The following TENM1 variants were observed in gnomAD, a reference collection of about 807,000 sequenced individuals.
TENM1 encodes teneurin transmembrane protein 1, also known as teneurin-1.
A neutral mutation model predicts 174.8 loss-of-function variants in TENM1; 35 were observed. The observed-to-expected ratio is 0.20, with a 90% confidence interval of 0.15 to 0.27. The LOEUF is 0.27. Among genes scored for constraint, TENM1 ranks in the 10% least tolerant of loss-of-function variants. TENM1 has a pLI of 1.00. For synonymous variants in TENM1, 781 were observed against 798.7 expected (o/e 0.98, Z 0.37); for missense variants, 1,633 against 2,130.1 (o/e 0.77, Z 4.59).
chrX:124,662,132 C>G (rs532008809), intron 6 of TENM1, among the ~76,000 whole-genome samples: 135 of 110,884 alleles, frequency 1.2e-3, no homozygotes, highest in African/African-American at 4.1e-3. Context: ...CGGTGTCTCC[C>G]TCTCTATTGG....
chrX:125,147,082 CGT>C, the TENM1 span, among the ~76,000 whole-genome samples: 8 of 108,282 alleles, frequency 7.4e-5, no homozygotes, highest in African/African-American at 2.3e-4. Context: ...TATACACACA[CGT>C]GTGTGTATAT....
At chrX:124,572,440 G>A (rs1297177251) in intron 11 of TENM1, among the ~76,000 whole-genome samples, 1 of 111,430 alleles carries the variant, frequency 9.0e-6, no homozygotes, top group African/African-American at 3.3e-5. Context: ...AGCTTACTGA[G>A]TATGGTAAAG....
the TENM1 span, among the ~76,000 whole-genome samples, chrX:125,018,643 T>C: frequency 8.9e-6 from 1 of 111,761 alleles, no homozygotes; most frequent in East Asian, 2.8e-4. Context: ...AATTAAATTA[T>C]GGACCTTAGA....
intron 18 of TENM1, among the ~76,000 whole-genome samples, chrX:124,507,457 G>A (rs924880682): frequency 4.5e-5 from 5 of 111,194 alleles, no homozygotes; most frequent in African/African-American, 1.3e-4. Context: ...CTTTTGCAGA[G>A]GATTCTATCC....
At chrX:125,022,334 A>C in the TENM1 span, among the ~76,000 whole-genome samples, 1 of 112,017 alleles carries the variant, frequency 8.9e-6, no homozygotes, top group Admixed American at 9.5e-5. Flanking sequence ...CTAGTGTCCC[A>C]ACACAAATGG....
At chrX:124,943,219 A>G (rs1182853869) in intron 1 of TENM1, among the ~76,000 whole-genome samples, 2 of 111,403 alleles carry the variant, frequency 1.8e-5, no homozygotes, top group African/African-American at 3.3e-5. Flanking sequence ...CAGTGATATG[A>G]TCTTTCTAGT....
At chrX:125,075,451 T>G in the TENM1 span, among the ~76,000 whole-genome samples, 16 of 111,612 alleles carry the variant, frequency 1.4e-4, 1 homozygote, top group Admixed American at 1.5e-3. Flanking sequence ...TTATGAACAT[T>G]TGGGCATAAG....
chrX:124,885,111 T>C (rs530564972), intron 3 of TENM1, among the ~76,000 whole-genome samples: 3 of 111,567 alleles, frequency 2.7e-5, no homozygotes, highest in South Asian at 3.8e-4. Context: ...CATTCTCATA[T>C]ATATGGTCTG....
At chrX:125,078,135 G>A in the TENM1 span, among the ~76,000 whole-genome samples, 1 of 111,314 alleles carries the variant, frequency 9.0e-6, no homozygotes, top group East Asian at 2.9e-4. Context: ...TCTGGAGGCA[G>A]GAGCAGCAGT....
chrX:124,723,894 C>T (rs767655762), intron 4 of TENM1, among the ~76,000 whole-genome samples: 70 of 111,292 alleles, frequency 6.3e-4, no homozygotes, highest in African/African-American at 2.2e-3. Flanking sequence ...CAACCATGCC[C>T]GGCCGAAGCT....
At chrX:124,810,254 T>C (rs778007420) in intron 3 of TENM1, among the ~76,000 whole-genome samples, 1 of 111,688 alleles carries the variant, frequency 9.0e-6, no homozygotes, top group South Asian at 3.8e-4. Context: ...GCATCCAAAT[T>C]GAAAACAAAG....
chrX:124,779,880 A>G (rs1428561873), intron 3 of TENM1, among the ~76,000 whole-genome samples: 1 of 112,103 alleles, frequency 8.9e-6, no homozygotes, highest in African/African-American at 3.2e-5. Context: ...CATTTAAGTA[A>G]CTTGCTTAAG....
At chrX:125,015,947 A>G in the TENM1 span, among the ~76,000 whole-genome samples, 1 of 111,724 alleles carries the variant, frequency 9.0e-6, no homozygotes, top group African/African-American at 3.2e-5. Context: ...CCTAGAGCTA[A>G]GGAGTAGAAA....
intron 14 of TENM1, among the ~76,000 whole-genome samples, chrX:124,551,598 C>T (rs1009834203): frequency 6.3e-5 from 7 of 110,294 alleles, no homozygotes; most frequent in African/African-American, 1.7e-4. Flanking sequence ...AGAAGAAAAC[C>T]GTTGGATGTA....
intron 4 of TENM1, among the ~76,000 whole-genome samples, chrX:124,725,683 T>C (rs776101977): frequency 8.9e-6 from 1 of 112,516 alleles, no homozygotes; most frequent in Admixed American, 9.4e-5. Flanking sequence ...ATGGAGTTAA[T>C]ACAGAACCAG....
chrX:124,947,739 ATTTTTG>A (rs1267617567), intron 1 of TENM1, among the ~76,000 whole-genome samples: 1 of 111,782 alleles, frequency 8.9e-6, no homozygotes, highest in Non-Finnish European at 1.9e-5. Flanking sequence ...CCAGAGACTG[ATTTTTG>A]TTTTGTTTCA....
intron 1 of TENM1, among the ~76,000 whole-genome samples, chrX:124,912,639 A>G (rs1270457236): frequency 2.7e-5 from 3 of 111,102 alleles, no homozygotes; most frequent in Non-Finnish European, 5.6e-5. Flanking sequence ...TAAGTGTAAC[A>G]CTGTTCACTT....
chrX:124,785,972 T>C (rs751031281), intron 3 of TENM1, among the ~76,000 whole-genome samples: 2 of 111,941 alleles, frequency 1.8e-5, no homozygotes, highest in Admixed American at 1.9e-4. Context: ...GTAGCGTTTA[T>C]ATAGGGCCCA....
chrX:124,820,638 A>C (rs2056018849), intron 3 of TENM1, among the ~76,000 whole-genome samples: 1 of 112,458 alleles, frequency 8.9e-6, no homozygotes, highest in Admixed American at 9.4e-5. Flanking sequence ...TCTCAATGTA[A>C]GTAAGCATTT....
Sources: allele counts gnomAD v4.1 joint callset (sites outside exome capture counted in the v4.1 genomes callset), GRCh38; gene constraint gnomAD v4.1.1; transcripts MANE v1.5; gene names NCBI Gene and HGNC (gene_info 2026-07-23, HGNC 2026-07-21).